PDGFD: variants seen among roughly 807,000 people sequenced by gnomAD.
PDGFD encodes platelet derived growth factor D.
A neutral mutation model predicts 44.7 loss-of-function variants in PDGFD; 30 were observed. That is an observed-to-expected ratio of 0.67 (90% CI 0.50 to 0.91). PDGFD has a LOEUF of 0.91. PDGFD is among the 40% of genes least tolerant of loss of function. PDGFD has a pLI of 0.00. For missense variants in PDGFD, 445 were observed against 457.8 expected (o/e 0.97, Z 0.25); for synonymous variants, 173 against 168.4 (o/e 1.03, Z -0.21).
At chr11:104,107,679 C>T (rs1861490902) in intron 1 of PDGFD, among the ~76,000 whole-genome samples, 1 of 152,120 alleles carries the variant, frequency 6.6e-6, no homozygotes, top group African/African-American at 2.4e-5. Context: ...TAACAAAATT[C>T]ACTACTAGTG....
At chr11:103,957,518 G>T (rs1313893468) in intron 3 of PDGFD, among the ~76,000 whole-genome samples, 2 of 152,178 alleles carry the variant, frequency 1.3e-5, no homozygotes, top group South Asian at 2.1e-4. Context: ...CCAAAACAGA[G>T]ATATAGATCA....
At chr11:104,120,594 T>C (rs962148267) in intron 1 of PDGFD, among the ~76,000 whole-genome samples, 1 of 151,946 alleles carries the variant, frequency 6.6e-6, no homozygotes, top group African/African-American at 2.4e-5. Context: ...AAAGATCATT[T>C]TGTGTATGTT....
chr11:103,922,502 C>A (rs561978447), intron 6 of PDGFD, among the ~76,000 whole-genome samples: 3 of 152,032 alleles, frequency 2.0e-5, no homozygotes, highest in Admixed American at 2.0e-4. Context: ...AGTCATAAGA[C>A]CCTCATGCGA....
At chr11:104,101,121 G>C (rs56893568) in intron 1 of PDGFD, among the ~76,000 whole-genome samples, 1,744 of 152,192 alleles carry the variant, frequency 0.011, 30 homozygotes, top group African/African-American at 0.04. Context: ...GCAGGAGAAG[G>C]AAATAAAGGG....
chr11:104,091,040 G>A (rs1032826007), intron 1 of PDGFD, among the ~76,000 whole-genome samples: 1 of 152,010 alleles, frequency 6.6e-6, no homozygotes, highest in South Asian at 2.1e-4. Flanking sequence ...CATTCCCAAG[G>A]GCCTCTAAGC....
intron 1 of PDGFD, among the ~76,000 whole-genome samples, chr11:104,098,632 C>T (rs1268773433): frequency 6.6e-6 from 1 of 151,970 alleles, no homozygotes; most frequent in Non-Finnish European, 1.5e-5. Context: ...CCTCAGCCTC[C>T]TGAGTAGCTT....
intron 1 of PDGFD, among the ~76,000 whole-genome samples, chr11:104,014,941 G>C (rs566887556): frequency 1.3e-5 from 2 of 152,274 alleles, no homozygotes; most frequent in South Asian, 4.1e-4. Flanking sequence ...TGGGAATTAG[G>C]AGCTGCATTT....
In PDGFD at chr11:103,909,393, C is replaced by CAA. The variant is rs60621493; in HGVS notation, c.*299_*300dup. Reference sequence around the variant, plus strand: ...CTCTGGTGTACCTGGTTATATATACCAAAAAAAACATTTGATCTATATACA... The same window carrying CAA: ...CTCTGGTGTACCTGGTTATATATACCAAAAAAAAAACATTTGATCTATATACA... On this transcript the variant is annotated 3_prime_UTR_variant, in exon 7 of 7. Coordinates refer to ENST00000393158, the MANE Select transcript of PDGFD (RefSeq NM_025208.5). 17,911 of 210,600 alleles carry CAA rather than the reference C, an allele frequency of 0.085. 817 individuals carry two copies. The highest frequency in any genetic ancestry group is 0.13 in the African/African-American group (5,763 of 43,868). The allele number at this position is 210,600 out of a possible 1,614,324, so 13.0% of individuals were successfully genotyped here.
rs1346024219 is a variant in PDGFD, at chr11:104,164,016, C to T, written c.-89G>A. 6.7e-5 allele frequency: 91 copies of T among 1,365,878 alleles called. No homozygotes were observed. The highest frequency in any genetic ancestry group is 8.5e-5 in the Non-Finnish European group (87 of 1,027,888). 84.6% of individuals were successfully genotyped at this position (1,365,878 alleles called of 1,614,324 possible). On this transcript the variant is annotated 5_prime_UTR_variant, in exon 1 of 7. Transcript: ENST00000393158. ...ACGCCGCGCCGCCCTGCGCTCTCGC[C>T]GCCTGCGCTCGCCCTGCGCTGGCCC...
chr11:104,020,892 T>C (rs1859939916), intron 1 of PDGFD, among the ~76,000 whole-genome samples: 1 of 152,104 alleles, frequency 6.6e-6, no homozygotes, highest in South Asian at 2.1e-4. Flanking sequence ...AAATCTTGGA[T>C]TAAGGAATAC....
rs185485378 is a variant in PDGFD, at chr11:104,039,090, G to A, written c.125-38835C>T. The A allele has an allele frequency of 1.3e-3, 218 of 167,164 alleles. 3 individuals are homozygous for A. The highest frequency in any genetic ancestry group is 2.1e-4 in the Non-Finnish European group (14 of 68,108). The allele number at this position is 167,164 out of a possible 1,614,324, so 10.4% of individuals were successfully genotyped here. A position where few individuals can be genotyped will look rare whatever the true frequency, so the allele number is the denominator to read the frequency against. The stretch of plus-strand genomic sequence containing the variant: ...GACTTAATTACAACCCATGGCTAAA[G>A]CACCTGAGAGAAAAGTTTCAGCTTC... On this transcript the variant is annotated intron_variant, in intron 1 of 6. Transcript: ENST00000393158.
In PDGFD at chr11:104,012,353, A is replaced by G. The variant is rs114638470; in HGVS notation, c.125-12098T>C. Reference sequence around the variant, plus strand: ...TGATTTAAAAGACTTCTGTGATTCAATGTAAAAAAGGCTTGGATTTGGACT... The same window carrying G: ...TGATTTAAAAGACTTCTGTGATTCAGTGTAAAAAAGGCTTGGATTTGGACT... On this transcript the variant is annotated intron_variant, in intron 1 of 6. Coordinates refer to ENST00000393158, the MANE Select transcript of PDGFD (RefSeq NM_025208.5). Among the ~76,000 whole-genome samples the G allele has an allele frequency of 7.3e-3, 1,108 of 152,318 alleles. 10 individuals are homozygous for G. Among genetic ancestry groups the G allele is most frequent in the African/African-American group, 0.025 (1,051 of 41,558 alleles).
chr11:104,033,084 T>TTA (rs143038882), intron 1 of PDGFD, among the ~76,000 whole-genome samples: 11,418 of 149,644 alleles, frequency 0.076, 396 homozygotes, highest in Middle Eastern at 0.1. Flanking sequence ...GTAATATATT[T>TTA]TATATATATA....
In PDGFD at chr11:104,002,166, C is replaced by T. The variant is rs76631360; in HGVS notation, c.125-1911G>A. The stretch of plus-strand genomic sequence containing the variant: ...CTGCTCGTTGAGTCTTTTCCCTTCC[C>T]TTGATCTTATGCTTAAAGATCAGCT... On this transcript the variant is annotated intron_variant, in intron 1 of 6. Coordinates refer to ENST00000393158, the MANE Select transcript of PDGFD (RefSeq NM_025208.5). Among the ~76,000 whole-genome samples the T allele has an allele frequency of 2.2e-3, 338 of 152,298 alleles. 1 individual carries two copies. Among genetic ancestry groups the T allele is most frequent in the African/African-American group, 8.0e-3 (331 of 41,562 alleles).
At chr11:104,148,885 C>T (rs1000327758) in intron 1 of PDGFD, among the ~76,000 whole-genome samples, 2 of 152,092 alleles carry the variant, frequency 1.3e-5, no homozygotes, top group Non-Finnish European at 2.9e-5. Context: ...GGATAATGGC[C>T]TCCAGCTTTA....
intron 1 of PDGFD, among the ~76,000 whole-genome samples, chr11:104,075,157 T>C (rs985528345): frequency 6.6e-6 from 1 of 152,186 alleles, no homozygotes; most frequent in Admixed American, 6.5e-5. Flanking sequence ...GATACAAATG[T>C]TCACTGGTCA....
intron 1 of PDGFD, among the ~76,000 whole-genome samples, 200 bp downstream of exon 1, chr11:104,163,604 C>G (rs1862421512): frequency 6.6e-6 from 1 of 152,056 alleles, no homozygotes; most frequent in Non-Finnish European, 1.5e-5. Flanking sequence ...CATCAGCACG[C>G]GTCCCACACC....
chr11:103,946,648 C>G (rs925369108), intron 4 of PDGFD: 2 of 152,194 alleles, frequency 1.3e-5, no homozygotes, highest in Admixed American at 1.3e-4. Context: ...GCATATCTGC[C>G]TTGTGTTGAC....
At chr11:104,013,108 A>C (rs1216390621) in intron 1 of PDGFD, among the ~76,000 whole-genome samples, 1 of 152,198 alleles carries the variant, frequency 6.6e-6, no homozygotes, top group African/African-American at 2.4e-5. Flanking sequence ...GAGAAAAAAC[A>C]AGTGTCTGAA....
Sources: gnomAD v4.1 joint callset for allele counts (sites outside exome capture counted in the v4.1 genomes callset) on GRCh38, gnomAD v4.1.1 for gene constraint, MANE v1.5 for transcripts, NCBI Gene and HGNC (gene_info 2026-07-23, HGNC 2026-07-21) for gene names.